The following RBM48 variants were observed in gnomAD, a reference collection of about 807,000 sequenced individuals.
RBM48 encodes the protein RNA binding motif protein 48.
RBM48 carries 32 observed loss-of-function variants against 34.8 expected under a neutral mutation model. The observed-to-expected ratio is 0.92, with a 90% CI of 0.69 to 1.23. RBM48 has a LOEUF of 1.23. RBM48 is among the 50% of genes most tolerant of loss of function. The pLI is 0.00. For synonymous variants in RBM48, 151 were observed against 156.2 expected (o/e 0.97, Z 0.25); for missense variants, 441 against 447.2 (o/e 0.99, Z 0.12).
intron 2 of RBM48, among the ~76,000 whole-genome samples, chr7:92,531,368 CT>C (rs1243721854): frequency 6.6e-6 from 1 of 152,196 alleles, no homozygotes; most frequent in African/African-American, 2.4e-5. Flanking sequence ...ACATAATCCT[CT>C]GCTCCAAAAA....
At chr7:92,534,023 A>T (rs1793640958) in intron 3 of RBM48, among the ~76,000 whole-genome samples, 2 of 151,932 alleles carry the variant, frequency 1.3e-5, no homozygotes, top group Non-Finnish European at 2.9e-5. Flanking sequence ...CCTCTGTAAG[A>T]TCTACAGTGA....
Position 92,538,738 on chromosome 7 carries a change from A to G in RBM48, c.*1801A>G, listed in dbSNP as rs1793785905. ...GCAGATTCTGGTGGTGGTGGTGGCC[A>G]GGGGCTGTGGGGAGGGAAAATGAGG... On this transcript the variant is annotated 3_prime_UTR_variant, in exon 5 of 5. Coordinates refer to ENST00000265732, the MANE Select transcript of RBM48 (RefSeq NM_032120.4). 6.6e-6 allele frequency among the ~76,000 whole-genome samples: 1 copy of G among 152,150 alleles called. No homozygotes were observed. Among genetic ancestry groups the G allele is most frequent in the Non-Finnish European group, 1.5e-5 (1 of 68,018 alleles).
At chr7:92,530,645 C>G (rs959192263) in intron 2 of RBM48, among the ~76,000 whole-genome samples, 4 of 151,770 alleles carry the variant, frequency 2.6e-5, no homozygotes, top group Admixed American at 6.6e-5. Context: ...CTACTAAATA[C>G]AAAAATTAGC....
rs556126110 is a variant in RBM48 at position 92,534,491 on chromosome 7, T to C, written c.538T>C (p.Cys180Arg). Residue 180 changes from cysteine to arginine, a missense_variant, in exon 4 of 5, where the codon TGT (cysteine) becomes CGT (arginine). Transcript: ENST00000265732. Reference sequence around the variant, plus strand: ...CTTCCACTCAGAGATGTCTGGATTTTGTAAAGCTGCTTTGAACACTTCTGC... The same window carrying C: ...CTTCCACTCAGAGATGTCTGGATTTCGTAAAGCTGCTTTGAACACTTCTGC... The part of the protein sequence containing the change: ...QDFHSEMSGF[C>R]KAALNTSAGN... 6.7e-4 allele frequency: 1,079 copies of C among 1,614,174 alleles called. 21 individuals are homozygous for C. In the South Asian group the frequency reaches 0.011, roughly 16 times the overall value.
In RBM48 at chr7:92,536,078, C is replaced by A. The variant is rs1585279223; in HGVS notation, c.1018-773C>A. On this transcript the variant is annotated intron_variant, in intron 4 of 4. Transcript: ENST00000265732. ...CTGGGAGGCGGAGGTTGCAGTGAGC[C>A]AAGATCATGCCACTGCACTCCAGCC... 7.7e-6 allele frequency: 6 copies of A among 781,604 alleles called. No individual in the cohort carries two copies. In the East Asian group the frequency reaches 7.6e-4, roughly 99 times the overall value. The allele number at this position is 781,604 out of a possible 1,614,324, so 48.4% of individuals were successfully genotyped here. A position where few individuals can be genotyped will look rare whatever the true frequency, so the allele number is the denominator to read the frequency against.
chr7:92,534,509 A>C lies in RBM48; in HGVS notation c.556A>C (p.Thr186Pro). The change falls in exon 4 of 5, where the codon ACT becomes CCT. Residue 186 changes from threonine to proline, a missense_variant. Physicochemically the swap from Thr to Pro is conservative, Grantham distance 38. Transcript: ENST00000265732. ...MSGFCKAALN[T>P]SAGNSNPYLP... The stretch of plus-strand genomic sequence containing the variant: ...TGGATTTTGTAAAGCTGCTTTGAAC[A>C]CTTCTGCAGGGAACTCAAATCCTTA... 6.2e-7 allele frequency: 1 copy of C among 1,614,158 alleles called. No individual in the cohort carries two copies. Among genetic ancestry groups the C allele is most frequent in the Non-Finnish European group, 8.5e-7 (1 of 1,180,034 alleles).
At chr7:92,536,294 A>C (rs1175473672) in intron 4 of RBM48, 19 of 980,128 alleles carry the variant, frequency 1.9e-5, no homozygotes, top group Middle Eastern at 1.0e-3. Context: ...AGAACAACAA[A>C]AAAAAGATAT....
chr7:92,529,720 C>T, intron 2 of RBM48, 54 bp downstream of exon 2: 1 of 1,222,564 alleles, frequency 8.2e-7, no homozygotes, highest in Non-Finnish European at 1.1e-6. Context: ...ATTCATATTT[C>T]TGTCATTTTG....
At chr7:92,533,005 C>T (rs774952617) in intron 3 of RBM48, among the ~76,000 whole-genome samples, 5 of 152,220 alleles carry the variant, frequency 3.3e-5, no homozygotes, top group Admixed American at 6.5e-5. Flanking sequence ...AGGCTTTGAC[C>T]AGAATGCAGT....
chr7:92,530,932 T>C (rs1487276926), intron 2 of RBM48, among the ~76,000 whole-genome samples: 1 of 151,900 alleles, frequency 6.6e-6, no homozygotes, highest in Non-Finnish European at 1.5e-5. Flanking sequence ...AATACAAAAA[T>C]CAAGCTGGGT....
chr7:92,535,760 T>A, intron 4 of RBM48: 4 of 975,988 alleles, frequency 4.1e-6, no homozygotes, highest in Non-Finnish European at 4.9e-6. Context: ...ATATGTACAT[T>A]TTTTACCTAA....
chr7:92,534,779 C>T lies in RBM48; in HGVS notation c.826C>T (p.Pro276Ser). 10 of 1,614,102 alleles carry T rather than the reference C, an allele frequency of 6.2e-6. No homozygotes were observed. The highest frequency in any genetic ancestry group is 8.5e-6 in the Non-Finnish European group (10 of 1,180,002). ...TSSEAVDRFM[P>S]RTTQLQERKR... ...TTCAGAGGCAGTTGACAGATTTATG[C>T]CTAGGACAACACAACTGCAGGAGCG... is the stretch of plus-strand genomic sequence containing the variant. The change falls in exon 4 of 5, where the codon CCT becomes TCT. Residue 276 changes from proline (P) to serine (S), a missense_variant. Physicochemically the swap from Pro to Ser is moderately conservative, Grantham distance 74. Coordinates refer to ENST00000265732, the MANE Select transcript of RBM48 (RefSeq NM_032120.4).
chr7:92,531,767 T>G (rs1037857225), intron 2 of RBM48, among the ~76,000 whole-genome samples: 1 of 152,186 alleles, frequency 6.6e-6, no homozygotes, highest in Non-Finnish European at 1.5e-5. Context: ...TTCATTACAG[T>G]GTTGTTTTTA....
Position 92,540,233 on chromosome 7 carries a change from G to A in RBM48, c.*3296G>A, listed in dbSNP as rs766754165. 10 of 152,174 alleles carry A rather than the reference G, an allele frequency of 6.6e-5. No homozygotes were observed. Among genetic ancestry groups the A allele is most frequent in the Non-Finnish European group, 1.2e-4 (8 of 68,036 alleles). 9.4% of individuals were successfully genotyped at this position (152,174 alleles called of 1,614,324 possible). ...TCTCTGACCCTTTAAAATTTTTCCT[G>A]AATCTATATGGGCTATTGGCACTAG... On this transcript the variant is annotated 3_prime_UTR_variant, in exon 5 of 5. Coordinates refer to ENST00000265732, the MANE Select transcript of RBM48 (RefSeq NM_032120.4).
rs753178655 is a variant in RBM48 at position 92,534,942 on chromosome 7, C to T, written c.989C>T (p.Ala330Val). The T allele has an allele frequency of 4.3e-6, 7 of 1,614,000 alleles. No homozygotes were observed. The East Asian group carries it at 6.7e-5, about 15-fold the overall frequency. The change falls in exon 4 of 5, where the codon GCG (alanine) becomes GTG (valine). Residue 330 changes from alanine to valine, a missense_variant. Coordinates refer to ENST00000265732, the MANE Select transcript of RBM48 (RefSeq NM_032120.4). ...CACGATGACTCATTGAATACAACGG[C>T]GAATTTAATTCGGCATAAACTTAAA... is the stretch of plus-strand genomic sequence containing the variant. ...DMHDDSLNTT[A>V]NLIRHKLKEV...
chr7:92,535,446 G>C, intron 4 of RBM48: 1 of 1,002,634 alleles, frequency 1.0e-6, no homozygotes, highest in Non-Finnish European at 1.2e-6. Context: ...TAGGCCTCCA[G>C]GTATGCATTT....
Position 92,530,112 on chromosome 7 carries a change from G to C in RBM48, c.302+446G>C, listed in dbSNP as rs537448150. ...GAATCGCTTGAAACCGGGAGGCAGA[G>C]GTTGCAGTGAGCCGAGATTGCGCCA... On this transcript the variant is annotated intron_variant, in intron 2 of 4. Transcript: ENST00000265732. Among the ~76,000 whole-genome samples, 12 of 151,044 alleles carry C rather than the reference G, an allele frequency of 7.9e-5. No homozygotes were observed. The East Asian group carries it at 2.2e-3, about 27-fold the overall frequency.
At chr7:92,530,326 C>T (rs1793535622) in intron 2 of RBM48, among the ~76,000 whole-genome samples, 1 of 151,176 alleles carries the variant, frequency 6.6e-6, no homozygotes, top group Non-Finnish European at 1.5e-5. Flanking sequence ...GAAACCCCTC[C>T]TCTACTAAAA....
intron 3 of RBM48, among the ~76,000 whole-genome samples, chr7:92,533,868 C>T (rs988527117): frequency 6.6e-6 from 1 of 151,404 alleles, no homozygotes; most frequent in Non-Finnish European, 1.5e-5. Context: ...AGGCCCTTGC[C>T]AGCCCTAGAA....
Sources: gnomAD v4.1 joint callset for allele counts (sites outside exome capture counted in the v4.1 genomes callset) on GRCh38, gnomAD v4.1.1 for gene constraint, MANE v1.5 for transcripts, NCBI Gene and HGNC (gene_info 2026-07-23, HGNC 2026-07-21) for gene names.